Variants in YME1L1 observed in about 807,000 individuals in gnomAD.
YME1L1 encodes the protein ATP-dependent zinc metalloprotease YME1L1.
In YME1L1, 39 loss-of-function variants were observed where a neutral mutation model predicts 90.4. The observed-to-expected ratio is 0.43, with a 90% confidence interval of 0.33 to 0.56. The LOEUF is 0.56. Ranked by LOEUF, YME1L1 falls within the 20% of genes least tolerant of loss-of-function variation. The pLI is 0.03. For missense variants in YME1L1, 617 were observed against 868.4 expected (o/e 0.71, Z 3.64); for synonymous variants, 284 against 287.3 (o/e 0.99, Z 0.12).
intron 11 of YME1L1, among the ~76,000 whole-genome samples, 157 bp downstream of exon 11, chr10:27,122,680 AGTTC>A (rs1300309517): frequency 1.3e-5 from 2 of 152,190 alleles, no homozygotes; most frequent in Non-Finnish European, 2.9e-5. Context: ...GCTTGTCTTG[AGTTC>A]TTGCATGAGG....
Position 27,151,880 on chromosome 10 carries a change from TAA to T in YME1L1, c.33+2296_33+2297del, listed in dbSNP as rs66765649. The stretch of plus-strand genomic sequence containing the variant: ...TGGGCGACAGAGCGAGACTCCATCT[TAA>T]AAAAAAAAAAAAATTAAAATAAAAA... On this transcript the variant is annotated intron_variant, in intron 1 of 18. Transcript: ENST00000376016. Among the ~76,000 whole-genome samples, 519 of 137,134 alleles carry T rather than the reference TAA, an allele frequency of 3.8e-3. 2 individuals are homozygous for T. The highest frequency in any genetic ancestry group is 0.013 in the African/African-American group (471 of 37,492). The allele number at this position is 137,134 out of a possible 152,430, so 90.0% of individuals were successfully genotyped here.
chr10:27,136,245 T>C (rs1254305148), intron 5 of YME1L1, 31 bp downstream of exon 5: 1 of 1,561,164 alleles, frequency 6.4e-7, no homozygotes, highest in Non-Finnish European at 8.8e-7. Flanking sequence ...TGAAAATATT[T>C]GCTTTTTGGA....
intron 8 of YME1L1, among the ~76,000 whole-genome samples, chr10:27,128,902 C>G (rs558781565): frequency 6.6e-6 from 1 of 151,692 alleles, no homozygotes; most frequent in East Asian, 1.9e-4. Flanking sequence ...GAGCCAGACC[C>G]TGTCTAGAAA....
In YME1L1 at chr10:27,136,373, G is replaced by C; in HGVS notation, c.443C>G (p.Ser148Cys). 2.5e-6 allele frequency: 4 copies of C among 1,612,212 alleles called. No homozygotes were observed. Among genetic ancestry groups the C allele is most frequent in the Non-Finnish European group, 3.4e-6 (4 of 1,179,046 alleles). Residue 148 changes from serine (S) to cysteine (C), a missense_variant, in exon 5 of 19, where the codon TCT becomes TGT. By Grantham distance (112) the Ser-to-Cys change is moderately radical (BLOSUM62 -1). Coordinates refer to ENST00000376016, the MANE Select transcript of YME1L1 (RefSeq NM_014263.4). The part of the protein sequence containing the change: ...DLQYWPVFIQ[S>C]RGFKTLKSRT... ...TGATTTCAAAGTTTTAAAACCCCGA[G>C]ACTGTATGAAAACTAAATAAAACAA... is the stretch of plus-strand genomic sequence containing the variant.
At chr10:27,146,946 A>G (rs770671129) in intron 2 of YME1L1, 8 of 170,976 alleles carry the variant, frequency 4.7e-5, no homozygotes, top group Non-Finnish European at 1.0e-4. Flanking sequence ...ATGACAGCAC[A>G]TAGTAAAAGA....
chr10:27,116,146 A>T lies in YME1L1; in HGVS notation c.1847-13T>A. The T allele has an allele frequency of 6.2e-7, 1 of 1,613,694 alleles. No individual in the cohort carries two copies. Among genetic ancestry groups the T allele is most frequent in the Non-Finnish European group, 8.5e-7 (1 of 1,179,856 alleles). On this transcript the variant is annotated splice_polypyrimidine_tract_variant and intron_variant, in intron 16 of 18. Transcript: ENST00000376016. The stretch of plus-strand genomic sequence containing the variant: ...TCACTGGAAGCACCTAAAATAAAAT[A>T]AAAACATACCATTTTAAAACATATC...
At chr10:27,116,908 T>G (rs1057046007) in intron 15 of YME1L1, among the ~76,000 whole-genome samples, 1 of 151,986 alleles carries the variant, frequency 6.6e-6, no homozygotes, top group Non-Finnish European at 1.5e-5. Flanking sequence ...ACAGTTCTGA[T>G]ATAGTTACAT....
rs1253210655 is a variant in YME1L1 at position 27,137,427 on chromosome 10, TGTG to T, written c.431-1045_431-1043del. 2.0e-5 allele frequency among the ~76,000 whole-genome samples: 3 copies of T among 152,248 alleles called. No individual in the cohort carries two copies. The East Asian group carries it at 5.8e-4, about 29-fold the overall frequency. ...TGGTTTTTATTGCTGGAAACAATAC[TGTG>T]GTGAACATTCTTATATATGTATGTC... On this transcript the variant is annotated intron_variant, in intron 4 of 18. Coordinates refer to ENST00000376016, the MANE Select transcript of YME1L1 (RefSeq NM_014263.4).
chr10:27,120,729 G>A (rs1023609299), intron 12 of YME1L1, among the ~76,000 whole-genome samples, 182 bp from the exon 13 acceptor site: 4 of 152,186 alleles, frequency 2.6e-5, no homozygotes, highest in Admixed American at 6.5e-5. Context: ...TCAATAACCA[G>A]AAAGCAGAAC....
intron 13 of YME1L1, 65 bp downstream of exon 13, chr10:27,120,370 C>T: frequency 8.5e-7 from 1 of 1,181,408 alleles, no homozygotes; most frequent in Non-Finnish European, 1.2e-6. Context: ...ATGAAAGGAC[C>T]ACAAACAGGG....
In YME1L1 at chr10:27,119,302, A is replaced by G; in HGVS notation, c.1559T>C (p.Ile520Thr). Residue 520 changes from isoleucine (I) to threonine (T), a missense_variant, in exon 14 of 19, where the codon ATT (isoleucine) becomes ACT (threonine). Coordinates refer to ENST00000376016, the MANE Select transcript of YME1L1 (RefSeq NM_014263.4). ...MKELEFSKDK[I>T]LMGPERRSVE... ...AAAGAAAGGAAACCTACCCATTAGA[A>G]TTTTGTCTTTGGAAAACTCCAGCTC... The G allele has an allele frequency of 6.3e-7, 1 of 1,598,076 alleles. No homozygotes were observed. Among genetic ancestry groups the G allele is most frequent in the Non-Finnish European group, 8.5e-7 (1 of 1,175,924 alleles).
At position 27,145,286 on chromosome 10, in the gene YME1L1, T is replaced by C. The variant is rs1241460766; in HGVS notation, c.331+142A>G. 9.0e-6 allele frequency: 6 copies of C among 669,530 alleles called. No individual in the cohort carries two copies. The East Asian group carries it at 1.3e-4, about 14-fold the overall frequency. The allele number at this position is 669,530 out of a possible 1,614,324, so 41.5% of individuals were successfully genotyped here. A position where few individuals can be genotyped will look rare whatever the true frequency, so the allele number is the denominator to read the frequency against. ...TCTGGTACTATTTCAATATGAAAAA[T>C]TGCAAAAAAAAAAACAAAAAAAAAA... On this transcript the variant is annotated intron_variant, in intron 3 of 18. Coordinates refer to ENST00000376016, the MANE Select transcript of YME1L1 (RefSeq NM_014263.4).
At chr10:27,147,472 G>A in intron 2 of YME1L1, 1 of 1,614,192 alleles carries the variant, frequency 6.2e-7, no homozygotes, top group Non-Finnish European at 8.5e-7. Flanking sequence ...ATAGACAATA[G>A]GCATTTGGAG....
chr10:27,112,061 G>T lies in YME1L1; in HGVS notation c.2067C>A (p.Leu689=), dbSNP rs764985814. 1.9e-6 allele frequency: 3 copies of T among 1,613,972 alleles called. No individual in the cohort carries two copies. Among genetic ancestry groups the T allele is most frequent in the Non-Finnish European group, 2.5e-6 (3 of 1,179,986 alleles). The change falls in exon 19 of 19, where the codon CTC becomes CTA. Residue 689 remains leucine, a synonymous_variant. Coordinates refer to ENST00000376016, the MANE Select transcript of YME1L1 (RefSeq NM_014263.4). ...LKTHAKEHKN[L]AEALLTYETL... is the part of the protein sequence containing the mutation. Reference sequence around the variant, plus strand: ...TCTCATAGGTCAATAAAGCTTCTGCGAGATTCTTATGCTCCTTTGCATGAG... The same window carrying T: ...TCTCATAGGTCAATAAAGCTTCTGCTAGATTCTTATGCTCCTTTGCATGAG...
chr10:27,142,365 A>G (rs760212587), intron 4 of YME1L1, 22 bp downstream of exon 4: 11 of 1,342,992 alleles, frequency 8.2e-6, no homozygotes, highest in Non-Finnish European at 1.1e-5. Flanking sequence ...TTTTTCCACA[A>G]TTTATGGTTG....
intron 8 of YME1L1, among the ~76,000 whole-genome samples, chr10:27,128,079 C>A (rs1284958182): frequency 2.0e-5 from 3 of 152,098 alleles, no homozygotes; most frequent in Admixed American, 2.0e-4. Flanking sequence ...AACATAAGAT[C>A]TATCAAGGAA....
chr10:27,142,383 A>T lies in YME1L1; in HGVS notation c.430+4T>A. The T allele has an allele frequency of 7.0e-7, 1 of 1,429,686 alleles. No individual in the cohort carries two copies. The highest frequency in any genetic ancestry group is 9.3e-7 in the Non-Finnish European group (1 of 1,080,776). 88.6% of individuals were successfully genotyped at this position (1,429,686 alleles called of 1,614,324 possible). A position where few individuals can be genotyped will look rare whatever the true frequency, so the allele number is the denominator to read the frequency against. On this transcript the variant is annotated splice_donor_region_variant and intron_variant, in intron 4 of 18. Transcript: ENST00000376016. ...TTCCACAATTTATGGTTGTTGCTTCATACCTGGCCAGTACTGAAGATCTGA... is the reference window on the plus strand; with the variant it reads ...TTCCACAATTTATGGTTGTTGCTTCTTACCTGGCCAGTACTGAAGATCTGA...
chr10:27,152,208 T>G (rs183227067), intron 1 of YME1L1, among the ~76,000 whole-genome samples: 3 of 152,368 alleles, frequency 2.0e-5, no homozygotes, highest in African/African-American at 7.2e-5. Flanking sequence ...TTTCTACCTC[T>G]TTGAAAAGAT....
At chr10:27,142,307 T>A in intron 4 of YME1L1, 80 bp downstream of exon 4, 3 of 809,654 alleles carry the variant, frequency 3.7e-6, no homozygotes, top group Non-Finnish European at 5.4e-6. Flanking sequence ...ATGTTTAGAA[T>A]TAATACCATT....
Sources: gnomAD v4.1 joint callset for allele counts (sites outside exome capture counted in the v4.1 genomes callset) on GRCh38, gnomAD v4.1.1 for gene constraint, MANE v1.5 for transcripts, NCBI Gene and HGNC (gene_info 2026-07-23, HGNC 2026-07-21) for gene names.